Variants in PCDHGA6 observed in about 807,000 individuals in gnomAD.
PCDHGA6 encodes protocadherin gamma-A6.
In PCDHGA6, 41 loss-of-function variants were observed where a neutral mutation model predicts 60.6. The observed-to-expected ratio is 0.68, with a 90% confidence interval of 0.53 to 0.88. The LOEUF (loss-of-function observed/expected upper bound fraction) is 0.88. Among genes scored for constraint, PCDHGA6 ranks in the 40% least tolerant of loss-of-function variants. The pLI is 0.00. For missense variants in PCDHGA6, 1,312 were observed against 1,203.0 expected (o/e 1.09, Z -1.34); for synonymous variants, 594 against 524.4 (o/e 1.13, Z -1.81).
intron 2 of PCDHGA6, among the ~76,000 whole-genome samples, chr5:141,499,146 C>T (rs1415999012): frequency 1.3e-5 from 2 of 152,132 alleles, no homozygotes; most frequent in African/African-American, 4.8e-5. Flanking sequence ...GTGTCTGATC[C>T]CAATAGCTGT....
intron 3 of PCDHGA6, among the ~76,000 whole-genome samples, chr5:141,509,841 C>T (rs546036990): frequency 2.0e-5 from 3 of 152,326 alleles, no homozygotes; most frequent in African/African-American, 7.2e-5. Context: ...ACCTCCCATT[C>T]ACTCAGAACA....
chr5:141,461,230 G>T (rs945407206), intron 1 of PCDHGA6, among the ~76,000 whole-genome samples: 2 of 152,024 alleles, frequency 1.3e-5, no homozygotes, highest in African/African-American at 4.8e-5. Flanking sequence ...TTCCATAGAG[G>T]TTGTACTAAT....
Position 141,477,098 on chromosome 5 carries a change from G to A in PCDHGA6, c.2425-17709G>A, listed in dbSNP as rs1562059777. 1.9e-6 allele frequency: 3 copies of A among 1,614,124 alleles called. No individual in the cohort carries two copies. The highest frequency in any genetic ancestry group is 3.3e-5 in the Admixed American group (2 of 60,008). The stretch of plus-strand genomic sequence containing the variant: ...GATTTACATCCAGGCCAAAGACAAG[G>A]GCGCCAATCCCGAAGGAGCACATTG... On this transcript the variant is annotated intron_variant, in intron 1 of 3. Coordinates refer to ENST00000517434, the MANE Select transcript of PCDHGA6 (RefSeq NM_018919.3). This position sits in a 1 kb window ranked among gnomAD's most constrained non-coding sequence, Gnocchi z 4.9.
intron 1 of PCDHGA6, among the ~76,000 whole-genome samples, chr5:141,447,677 A>G (rs748479750): frequency 6.6e-6 from 1 of 152,184 alleles, no homozygotes; most frequent in Non-Finnish European, 1.5e-5. Context: ...GAACTGTTCC[A>G]TATCTTGATA....
chr5:141,505,597 T>C, intron 3 of PCDHGA6, 116 bp downstream of exon 3: 1 of 1,558,330 alleles, frequency 6.4e-7, no homozygotes, highest in Non-Finnish European at 8.7e-7. Context: ...TCCAGATCTT[T>C]CGGCAGGTCT....
chr5:141,400,674 T>A, intron 1 of PCDHGA6: 1 of 917,906 alleles, frequency 1.1e-6, no homozygotes, highest in Non-Finnish European at 1.7e-6. Flanking sequence ...AGAGGAGCAG[T>A]AAATTGTGAG....
chr5:141,410,255 C>T (rs758117248), intron 1 of PCDHGA6: 26 of 1,614,030 alleles, frequency 1.6e-5, no homozygotes, highest in Non-Finnish European at 1.9e-5. Flanking sequence ...CTCTGACCCC[C>T]AGGCTGAACT....
intron 1 of PCDHGA6, among the ~76,000 whole-genome samples, chr5:141,437,573 G>A (rs923321760): frequency 1.3e-5 from 2 of 152,164 alleles, no homozygotes; most frequent in African/African-American, 4.8e-5. Flanking sequence ...GAGTATAGCT[G>A]TGATCATGAA....
At chr5:141,423,177 C>T (rs748689237) in intron 1 of PCDHGA6, 3 of 1,613,430 alleles carry the variant, frequency 1.9e-6, no homozygotes, top group Non-Finnish European at 2.5e-6. Context: ...TCCAGGACCA[C>T]GGCCAGCCCC....
chr5:141,497,736 G>A (rs1437670417), intron 2 of PCDHGA6, among the ~76,000 whole-genome samples: 6 of 151,962 alleles, frequency 3.9e-5, no homozygotes, highest in Admixed American at 1.3e-4. Flanking sequence ...GATGGGTTTC[G>A]CCACGTTGGC....
At chr5:141,469,743 A>G (rs1166798506) in intron 1 of PCDHGA6, among the ~76,000 whole-genome samples, 1 of 152,252 alleles carries the variant, frequency 6.6e-6, no homozygotes, top group Non-Finnish European at 1.5e-5. Context: ...CACCTCAAAA[A>G]TTACAAAAAT....
In PCDHGA6 at chr5:141,511,070, G is replaced by A. The variant is rs1341623011; in HGVS notation, c.2696G>A (p.Gly899Asp). ...PDYRQNVYIP[G>D]SNATLTNAAG... ...TACCGCCAGAATGTCTACATCCCAG[G>A]CAGCAATGCCACACTGACCAACGCA... The change falls in exon 4 of 4, where the codon GGC (glycine) becomes GAC (aspartate). Residue 899 changes from glycine to aspartate, a missense_variant. Physicochemically the swap from Gly to Asp is moderately conservative, Grantham distance 94 (BLOSUM62 -1). Transcript: ENST00000517434. 2.5e-6 allele frequency: 4 copies of A among 1,614,218 alleles called. No homozygotes were observed. Among genetic ancestry groups the A allele is most frequent in the Admixed American group, 1.7e-5 (1 of 60,030 alleles).
chr5:141,485,118 G>C lies in PCDHGA6; in HGVS notation c.2425-9689G>C, dbSNP rs547390669. 1 of 1,331,536 alleles carries C rather than the reference G, an allele frequency of 7.5e-7. No homozygotes were observed. Among genetic ancestry groups the C allele is most frequent in the East Asian group, 2.3e-5 (1 of 43,534 alleles). The allele number at this position is 1,331,536 out of a possible 1,614,324, so 82.5% of individuals were successfully genotyped here. On this transcript the variant is annotated intron_variant, in intron 1 of 3. Coordinates refer to ENST00000517434, the MANE Select transcript of PCDHGA6 (RefSeq NM_018919.3). The surrounding 1 kb of genome is among the most constrained non-coding windows in gnomAD (Gnocchi z 5.7). ...TCTCCAGCTGCTGTGGCTGTTTGGG[G>C]CGGGTCGGCTTCATCCGCGTCTCAG...
intron 1 of PCDHGA6, among the ~76,000 whole-genome samples, chr5:141,435,175 C>T (rs1199067294): frequency 6.6e-6 from 1 of 152,030 alleles, no homozygotes; most frequent in East Asian, 1.9e-4. Context: ...TGGCTTTTAA[C>T]TACACTTGAG....
chr5:141,499,466 G>C (rs1337970911), intron 2 of PCDHGA6, among the ~76,000 whole-genome samples: 1 of 152,034 alleles, frequency 6.6e-6, no homozygotes, highest in African/African-American at 2.4e-5. Flanking sequence ...TTACAATCTA[G>C]GGAGAACCAC....
intron 1 of PCDHGA6, chr5:141,423,465 G>T: frequency 6.2e-7 from 1 of 1,614,006 alleles, no homozygotes; most frequent in South Asian, 1.1e-5. Context: ...GCGTGGACGG[G>T]GTACAGGCTT....
chr5:141,413,217 C>A (rs762828191), intron 1 of PCDHGA6: 8 of 1,613,184 alleles, frequency 5.0e-6, no homozygotes, highest in African/African-American at 1.3e-5. Context: ...CAAAGGATTG[C>A]AGCGGGCTGG....
intron 1 of PCDHGA6, among the ~76,000 whole-genome samples, chr5:141,435,951 G>C (rs371199258): frequency 3.9e-5 from 6 of 152,100 alleles, no homozygotes; most frequent in African/African-American, 1.4e-4. Flanking sequence ...ACCAAAAAAG[G>C]GGGCAAAATA....
chr5:141,415,062 G>C, intron 1 of PCDHGA6: 1 of 1,613,426 alleles, frequency 6.2e-7, no homozygotes, highest in Non-Finnish European at 8.5e-7. Context: ...ACACGGGCGA[G>C]GTGCGCACGG....
Sources: gnomAD v4.1 joint callset for allele counts (sites outside exome capture counted in the v4.1 genomes callset) on GRCh38, gnomAD v4.1.1 for gene constraint, Gnocchi (gnomAD v3.1) non-coding constraint, MANE v1.5 for transcripts, NCBI Gene and HGNC (gene_info 2026-07-23, HGNC 2026-07-21) for gene names.